HAS2: variants seen among roughly 807,000 people sequenced by gnomAD.
HAS2 encodes HA synthase 2.
HAS2 carries 16 observed loss-of-function variants against 51.6 expected under a neutral mutation model. The ratio of observed to expected loss-of-function variants is 0.31; its 90% CI spans 0.21 to 0.47. The LOEUF (loss-of-function observed/expected upper bound fraction) is 0.47. HAS2 is among the 20% of genes least tolerant of loss of function. The pLI is 1.00. For synonymous variants in HAS2, 228 were observed against 235.5 expected (o/e 0.97, Z 0.29); for missense variants, 361 against 662.6 (o/e 0.54, Z 5.00).
rs1009084449 is a variant in HAS2, at chr8:121,613,105, G to C, written c.*1004C>G. The C allele has an allele frequency of 1.4e-4, 21 of 152,106 alleles. No individual in the cohort carries two copies. The highest frequency in any genetic ancestry group is 4.6e-4 in the African/African-American group (19 of 41,432). The allele number at this position is 152,106 out of a possible 1,614,324, so 9.4% of individuals were successfully genotyped here. A position where few individuals can be genotyped will look rare whatever the true frequency, so the allele number is the denominator to read the frequency against. Reference sequence around the variant, plus strand: ...ACTTGACTTGTTCTGGGAAAACACTGCCAGAATCTCCAAAGATTATTCATC... The same window carrying C: ...ACTTGACTTGTTCTGGGAAAACACTCCCAGAATCTCCAAAGATTATTCATC... On this transcript the variant is annotated 3_prime_UTR_variant, in exon 4 of 4. Transcript: ENST00000303924.
intron 1 of HAS2, among the ~76,000 whole-genome samples, chr8:121,637,614 C>T (rs949086407): frequency 6.6e-6 from 1 of 152,178 alleles, no homozygotes; most frequent in Non-Finnish European, 1.5e-5. Flanking sequence ...TGGTCTTGAA[C>T]TTCTGACCTC....
intron 3 of HAS2, among the ~76,000 whole-genome samples, chr8:121,616,673 T>G (rs1812707853): frequency 6.6e-6 from 1 of 152,084 alleles, no homozygotes; most frequent in East Asian, 1.9e-4. Context: ...TGACCTCAGG[T>G]GATCCACCTG....
intron 2 of HAS2, among the ~76,000 whole-genome samples, chr8:121,623,005 G>A (rs750235578): frequency 4.0e-5 from 6 of 151,776 alleles, no homozygotes; most frequent in Non-Finnish European, 7.4e-5. Flanking sequence ...CGAAAGGAAC[G>A]GGGGATGGGG....
rs1204267748 is a variant in HAS2 at position 121,641,233 on chromosome 8, A to T, written c.-381T>A. The T allele has an allele frequency of 2.2e-5, 1 of 46,194 alleles. No homozygotes were observed. The highest frequency in any genetic ancestry group is 3.6e-5 in the Non-Finnish European group (1 of 27,494). 2.9% of individuals were successfully genotyped at this position (46,194 alleles called of 1,614,324 possible). A position where few individuals can be genotyped will look rare whatever the true frequency, so the allele number is the denominator to read the frequency against. ...CAGAAAATCTCTTTTTCGTCTTAAA[A>T]AAAAAAAAAAAAAAAAAAAAAGCCT... is the stretch of plus-strand genomic sequence containing the variant. On this transcript the variant is annotated 5_prime_UTR_variant, in exon 1 of 4. Coordinates refer to ENST00000303924, the MANE Select transcript of HAS2 (RefSeq NM_005328.3).
chr8:121,618,053 A>T (rs552376201), intron 2 of HAS2, among the ~76,000 whole-genome samples: 13 of 152,138 alleles, frequency 8.5e-5, no homozygotes, highest in Middle Eastern at 3.4e-3. Context: ...CTTCAAGAAA[A>T]TTTTTGGAAT....
chr8:121,630,940 G>A (rs1051610802), intron 1 of HAS2, among the ~76,000 whole-genome samples: 6 of 152,124 alleles, frequency 3.9e-5, no homozygotes, highest in African/African-American at 1.4e-4. Flanking sequence ...GGAAACCTTA[G>A]TGTGGCTTCT....
intron 1 of HAS2, among the ~76,000 whole-genome samples, chr8:121,636,390 C>A (rs1033534891): frequency 1.3e-5 from 2 of 152,104 alleles, no homozygotes; most frequent in Admixed American, 6.5e-5. Flanking sequence ...CCCCTCCCAA[C>A]CTCCCTTCTC....
chr8:121,634,426 C>G (rs937433750), intron 1 of HAS2, among the ~76,000 whole-genome samples: 5 of 151,738 alleles, frequency 3.3e-5, no homozygotes, highest in Non-Finnish European at 5.9e-5. Context: ...CCTCTCTTCA[C>G]CCCCTGCCAT....
intron 2 of HAS2, among the ~76,000 whole-genome samples, chr8:121,618,334 C>T (rs538707233): frequency 6.6e-6 from 1 of 152,218 alleles, no homozygotes; most frequent in South Asian, 2.1e-4. Context: ...TGGGACTAGC[C>T]TCCTGCAGAT....
chr8:121,637,819 A>G (rs1382700474), intron 1 of HAS2, among the ~76,000 whole-genome samples: 1 of 152,176 alleles, frequency 6.6e-6, no homozygotes, highest in Admixed American at 6.5e-5. Flanking sequence ...CTCTGTTGGC[A>G]TACCAGCTGC....
At chr8:121,617,406 A>C (rs1340114600) in intron 2 of HAS2, among the ~76,000 whole-genome samples, 200 bp from the exon 3 acceptor site, 3 of 152,176 alleles carry the variant, frequency 2.0e-5, no homozygotes, top group Admixed American at 6.5e-5. Flanking sequence ...CTCAATATTT[A>C]AGTTAATGAC....
At chr8:121,616,126 G>A (rs1460235805) in intron 3 of HAS2, among the ~76,000 whole-genome samples, 1 of 152,064 alleles carries the variant, frequency 6.6e-6, no homozygotes, top group African/African-American at 2.4e-5. Context: ...TTATTTGCAA[G>A]GGAATCTTAT....
chr8:121,618,950 C>T (rs1054207272), intron 2 of HAS2, among the ~76,000 whole-genome samples: 3 of 149,696 alleles, frequency 2.0e-5, no homozygotes, highest in Non-Finnish European at 4.4e-5. Context: ...GTTTGATATA[C>T]CAGTTTTGAA....
intron 2 of HAS2, among the ~76,000 whole-genome samples, chr8:121,618,452 T>G (rs975207537): frequency 1.3e-5 from 2 of 151,878 alleles, no homozygotes; most frequent in African/African-American, 4.8e-5. Flanking sequence ...CCTTCCACAC[T>G]CACTAATAAG....
intron 3 of HAS2, among the ~76,000 whole-genome samples, chr8:121,616,551 T>C (rs1387476717): frequency 6.6e-6 from 1 of 151,806 alleles, no homozygotes; most frequent in Non-Finnish European, 1.5e-5. Flanking sequence ...TTCTCTTGTC[T>C]CAGCCTCCCA....
intron 1 of HAS2, among the ~76,000 whole-genome samples, chr8:121,638,288 C>T (rs1418606175): frequency 1.3e-5 from 2 of 152,190 alleles, no homozygotes; most frequent in Non-Finnish European, 2.9e-5. Context: ...TCACTTGTTG[C>T]ACAATTCCCA....
chr8:121,614,183 G>A lies in HAS2; in HGVS notation c.1585C>T (p.Leu529=). 3 of 1,614,106 alleles carry A rather than the reference G, an allele frequency of 1.9e-6. No homozygotes were observed. Among genetic ancestry groups the A allele is most frequent in the Non-Finnish European group, 2.5e-6 (3 of 1,180,012 alleles). ...CACTTATTGATGAGAACTACATACA[G>A]CGTCAAAAGCATGACCCAATAGCAT... The part of the protein sequence containing the change: ...YACYWVMLLT[L]YVVLINKCGR... The change falls in exon 4 of 4, where the codon CTG becomes TTG. Residue 529 remains leucine (L), a synonymous_variant. Transcript: ENST00000303924. The surrounding 1 kb of genome is among the most constrained non-coding windows in gnomAD (Gnocchi z 7.2).
At chr8:121,632,974 G>A (rs1812953589) in intron 1 of HAS2, among the ~76,000 whole-genome samples, 1 of 151,494 alleles carries the variant, frequency 6.6e-6, no homozygotes, top group African/African-American at 2.4e-5. Context: ...ACTAGGAGTT[G>A]GATCCACACA....
chr8:121,633,611 A>G (rs1812965559), intron 1 of HAS2, among the ~76,000 whole-genome samples: 1 of 152,192 alleles, frequency 6.6e-6, no homozygotes, highest in African/African-American at 2.4e-5. Context: ...GGTTCCATCT[A>G]TGTAATAGCA....
Sources: gnomAD v4.1 joint callset for allele counts (sites outside exome capture counted in the v4.1 genomes callset) on GRCh38, gnomAD v4.1.1 for gene constraint, Gnocchi (gnomAD v3.1) non-coding constraint, MANE v1.5 for transcripts, NCBI Gene and HGNC (gene_info 2026-07-23, HGNC 2026-07-21) for gene names.